NAA15: variants seen among roughly 807,000 people sequenced by gnomAD.
NAA15 encodes N-alpha-acetyltransferase 15, NatA auxiliary subunit, also known as N-terminal acetyltransferase.
Under a neutral mutation model 114.0 loss-of-function variants are expected in NAA15, and 34 were observed. That is an observed-to-expected ratio of 0.30 (90% CI 0.23 to 0.40). The LOEUF (loss-of-function observed/expected upper bound fraction) is 0.40, where lower values mean the gene tolerates loss of function less well. NAA15 is among the 10% of genes least tolerant of loss of function. The pLI is 1.00. For synonymous variants in NAA15, 340 were observed against 338.0 expected, an observed-to-expected ratio of 1.01 and a Z score of -0.06; for missense variants, 658 against 1,004.5, an observed-to-expected ratio of 0.66 and a Z score of 4.66.
At position 139,390,894 on chromosome 4, in the gene NAA15, C is replaced by G. The variant is rs1343806894; in HGVS notation, c.*2810C>G. On this transcript the variant is annotated 3_prime_UTR_variant, in exon 20 of 20. Transcript: ENST00000296543. ...ACTCCATGGTGTATTGCTATTAGAG[C>G]TGTGAAATGAAAGCTGTGACTTTAT... 6.6e-6 allele frequency: 1 copy of G among 152,062 alleles called. No individual in the cohort carries two copies. Among genetic ancestry groups the G allele is most frequent in the African/African-American group, 2.4e-5 (1 of 41,380 alleles). The allele number at this position is 152,062 out of a possible 1,614,324, so 9.4% of individuals were successfully genotyped here. A position where few individuals can be genotyped will look rare whatever the true frequency, so the allele number is the denominator to read the frequency against.
In NAA15 at chr4:139,389,909, A is replaced by G. The variant is rs763642232; in HGVS notation, c.*1825A>G. 1 of 152,630 alleles carries G rather than the reference A, an allele frequency of 6.6e-6. No homozygotes were observed. The highest frequency in any genetic ancestry group is 6.5e-5 in the Admixed American group (1 of 15,288). 9.5% of individuals were successfully genotyped at this position (152,630 alleles called of 1,614,324 possible). A position where few individuals can be genotyped will look rare whatever the true frequency, so the allele number is the denominator to read the frequency against. On this transcript the variant is annotated 3_prime_UTR_variant, in exon 20 of 20. Transcript: ENST00000296543. ...GAACTCCAGTGCTTTGTTATGTTTT[A>G]TTAACTGGCCCTGTCTCAGGAACAT...
At chr4:139,372,370 C>T (rs1338725055) in intron 15 of NAA15, among the ~76,000 whole-genome samples, 1 of 152,194 alleles carries the variant, frequency 6.6e-6, no homozygotes, top group Non-Finnish European at 1.5e-5. Context: ...AGCCAGATAA[C>T]AACCTGTGGT....
chr4:139,380,267 G>T (rs940806895), intron 17 of NAA15, among the ~76,000 whole-genome samples: 1 of 148,960 alleles, frequency 6.7e-6, no homozygotes, highest in Non-Finnish European at 1.5e-5. Context: ...TTGGGGGGGG[G>T]GAGTATGAAA....
intron 1 of NAA15, among the ~76,000 whole-genome samples, chr4:139,332,801 C>T (rs1043187044): frequency 4.6e-5 from 7 of 151,862 alleles, no homozygotes; most frequent in Admixed American, 3.3e-4. Flanking sequence ...AGGCTGGTCT[C>T]GAACTGCTGA....
chr4:139,322,893 G>A (rs1010116995), intron 1 of NAA15, among the ~76,000 whole-genome samples: 14 of 152,002 alleles, frequency 9.2e-5, no homozygotes, highest in African/African-American at 3.4e-4. Context: ...GTTTCACCGT[G>A]TTGGCCAGGT....
intron 15 of NAA15, among the ~76,000 whole-genome samples, chr4:139,373,845 C>T (rs1355804234): frequency 3.3e-5 from 5 of 152,052 alleles, no homozygotes; most frequent in African/African-American, 9.7e-5. Context: ...ATTACAGGCA[C>T]ATACCACCAC....
At chr4:139,331,295 A>C (rs1184462368) in intron 1 of NAA15, among the ~76,000 whole-genome samples, 1 of 152,166 alleles carries the variant, frequency 6.6e-6, no homozygotes, top group Non-Finnish European at 1.5e-5. Context: ...TTAGTAATAC[A>C]TCACTATTTC....
At chr4:139,369,433 G>C (rs952731602) in intron 14 of NAA15, among the ~76,000 whole-genome samples, 1 of 152,158 alleles carries the variant, frequency 6.6e-6, no homozygotes, top group Admixed American at 6.5e-5. Flanking sequence ...GCTATCTGAT[G>C]TTGAACCATT....
chr4:139,357,351 G>T (rs185848776), intron 10 of NAA15, 35 bp from the exon 11 acceptor site: 1 of 1,600,010 alleles, frequency 6.2e-7, no homozygotes, highest in Non-Finnish European at 8.6e-7. Flanking sequence ...TATATGTAAT[G>T]CCTCATCTTG....
At chr4:139,348,042 A>G (rs2110926464) in intron 6 of NAA15, among the ~76,000 whole-genome samples, 1 of 151,284 alleles carries the variant, frequency 6.6e-6, no homozygotes, top group East Asian at 1.9e-4. Context: ...CCGTCTCAAA[A>G]AAAAAAAAAA....
At chr4:139,322,570 G>A (rs1363137049) in intron 1 of NAA15, among the ~76,000 whole-genome samples, 1 of 152,236 alleles carries the variant, frequency 6.6e-6, no homozygotes, top group Non-Finnish European at 1.5e-5. Context: ...TCAAATGTCT[G>A]CCAGCCATGC....
intron 6 of NAA15, 128 bp downstream of exon 6, chr4:139,344,467 G>T: frequency 1.5e-6 from 1 of 682,898 alleles, no homozygotes; most frequent in South Asian, 2.2e-5. Flanking sequence ...TTTCTTACTC[G>T]TGTACTTTTA....
intron 1 of NAA15, among the ~76,000 whole-genome samples, chr4:139,305,420 T>C (rs1579076890): frequency 6.6e-6 from 1 of 152,218 alleles, no homozygotes; most frequent in South Asian, 2.1e-4. Context: ...TGAGATTTGA[T>C]AGTAAGTTAG....
In NAA15 at chr4:139,341,055, C is replaced by A; in HGVS notation, c.388C>A (p.Leu130Ile). The A allele has an allele frequency of 6.3e-7, 1 of 1,577,494 alleles. No homozygotes were observed. The highest frequency in any genetic ancestry group is 8.6e-7 in the Non-Finnish European group (1 of 1,164,812). ...LSLLQIQMRD[L>I]EGYRETRYQL... ...CTTACTACAGATTCAAATGCGAGAT[C>A]TTGAGGGTTACAGGGTAAGTAAAAT... Residue 130 changes from leucine to isoleucine, a missense_variant, in exon 4 of 20, where the codon CTT becomes ATT. This residue lies in a region of NAA15 where 75 missense variants were observed against 172.3 expected (regional missense o/e 0.44). Transcript: ENST00000296543.
At chr4:139,381,665 G>T (rs1748759194) in intron 17 of NAA15, among the ~76,000 whole-genome samples, 1 of 151,982 alleles carries the variant, frequency 6.6e-6, no homozygotes, top group African/African-American at 2.4e-5. Context: ...GTAGTGAACA[G>T]TCATTACCTC....
At chr4:139,357,626 A>G in intron 11 of NAA15, 71 bp downstream of exon 11, 1 of 997,734 alleles carries the variant, frequency 1.0e-6, no homozygotes, top group Non-Finnish European at 1.5e-6. Context: ...TGTATTTTAT[A>G]GATTCTAAAT....
At chr4:139,365,667 C>G (rs180939211) in intron 14 of NAA15, among the ~76,000 whole-genome samples, 1 of 151,826 alleles carries the variant, frequency 6.6e-6, no homozygotes, top group African/African-American at 2.4e-5. Flanking sequence ...GTGAAACTGT[C>G]TCTACAAATA....
Position 139,387,866 on chromosome 4 carries a change from CT to C in NAA15, c.2401-11del. On this transcript the variant is annotated splice_polypyrimidine_tract_variant and intron_variant, in intron 19 of 19. Coordinates refer to ENST00000296543, the MANE Select transcript of NAA15 (RefSeq NM_057175.5). ...CTTTTTTTGACCAGTTACAACATGA[CT>C]TTTTTTCTTTCCTTAGACATGTATG... The C allele has an allele frequency of 3.1e-6, 5 of 1,603,730 alleles. No homozygotes were observed. The highest frequency in any genetic ancestry group is 4.3e-6 in the Non-Finnish European group (5 of 1,174,754).
At position 139,360,560 on chromosome 4, in the gene NAA15, T is replaced by A; in HGVS notation, c.1471T>A (p.Cys491Ser). The change falls in exon 13 of 20, where the codon TGT (cysteine) becomes AGT (serine). Residue 491 changes from cysteine to serine, a missense_variant. Physicochemically the swap from Cys to Ser is moderately radical, Grantham distance 112 (BLOSUM62 -1). Around this residue, in one of 6 missense-constraint regions of NAA15, gnomAD observed 281 missense variants for 389.1 expected, o/e 0.72. Transcript: ENST00000296543. ...EMQCMWFQTE[C>S]AQAYKAMNKF... ...GCAGTGCATGTGGTTCCAAACAGAA[T>A]GTGCCCAGGCTTATAAAGCAATGAA... 1 of 1,610,034 alleles carries A rather than the reference T, an allele frequency of 6.2e-7. No individual in the cohort carries two copies. Among genetic ancestry groups the A allele is most frequent in the Non-Finnish European group, 8.5e-7 (1 of 1,178,122 alleles).
Sources: allele counts gnomAD v4.1 joint callset (sites outside exome capture counted in the v4.1 genomes callset), GRCh38; gene constraint gnomAD v4.1.1; regional missense constraint gnomAD v4.1.1; transcripts MANE v1.5; gene names NCBI Gene and HGNC (gene_info 2026-07-23, HGNC 2026-07-21).